GRIA4: variants seen among roughly 807,000 people sequenced by gnomAD.
GRIA4 encodes glutamate receptor 4.
In GRIA4, 34 loss-of-function variants were observed where a neutral mutation model predicts 104.0. The observed-to-expected ratio is 0.33, with a 90% CI of 0.25 to 0.44. The LOEUF (loss-of-function observed/expected upper bound fraction) is 0.44. Ranked by LOEUF, GRIA4 falls within the 20% of genes least tolerant of loss-of-function variation. The pLI is 1.00. For missense variants in GRIA4, 750 were observed against 1,096.5 expected (o/e 0.68, Z 4.46); for synonymous variants, 386 against 381.9 (o/e 1.01, Z -0.13).
intron 14 of GRIA4, among the ~76,000 whole-genome samples, chr11:105,955,834 A>G (rs1948573810): frequency 6.6e-6 from 1 of 152,136 alleles, no homozygotes; most frequent in Admixed American, 6.5e-5. Context: ...AGATGGTGGT[A>G]CCTCATTGTG....
At chr11:105,715,126 G>A (rs759963612) in intron 3 of GRIA4, among the ~76,000 whole-genome samples, 1 of 152,106 alleles carries the variant, frequency 6.6e-6, no homozygotes, top group Non-Finnish European at 1.5e-5. Flanking sequence ...GTGTAAATCA[G>A]CGTAGTCAAT....
At chr11:105,693,387 A>T (rs1677077087) in intron 3 of GRIA4, among the ~76,000 whole-genome samples, 1 of 152,190 alleles carries the variant, frequency 6.6e-6, no homozygotes, top group Admixed American at 6.5e-5. Flanking sequence ...CTAATTTTTT[A>T]AAAATCTCTA....
At chr11:105,751,002 G>T (rs1591191423) in intron 3 of GRIA4, among the ~76,000 whole-genome samples, 1 of 152,038 alleles carries the variant, frequency 6.6e-6, no homozygotes, top group Non-Finnish European at 1.5e-5. Context: ...TACTTTAAAA[G>T]ATTATGTAAA....
intron 14 of GRIA4, among the ~76,000 whole-genome samples, chr11:105,944,433 GT>G (rs1024467364): frequency 6.6e-6 from 1 of 151,938 alleles, no homozygotes; most frequent in Non-Finnish European, 1.5e-5. Flanking sequence ...TCTGGTATTT[GT>G]TTTTTTATGG....
At position 105,918,865 on chromosome 11, in the gene GRIA4, A is replaced by C. The variant is rs753529639; in HGVS notation, c.1423A>C (p.Arg475=). The change falls in exon 11 of 17, where the codon AGG becomes CGG. Residue 475 remains arginine, a synonymous_variant. Coordinates refer to ENST00000282499, the MANE Select transcript of GRIA4 (RefSeq NM_000829.4). ...TGTCCCTGATGGAAAATATGGAGCA[A>C]GGGATGCAGACACAAAAATCTGGAA... ...AIVPDGKYGA[R]DADTKIWNGM... 12 of 1,611,886 alleles carry C rather than the reference A, an allele frequency of 7.4e-6. No individual in the cohort carries two copies. The South Asian group carries it at 1.3e-4, about 18-fold the overall frequency.
At chr11:105,951,091 C>CTAA (rs1345137860) in intron 14 of GRIA4, among the ~76,000 whole-genome samples, 1 of 152,224 alleles carries the variant, frequency 6.6e-6, no homozygotes, top group South Asian at 2.1e-4. Context: ...TTCTGGGATT[C>CTAA]TAAGTCTTTA....
intron 4 of GRIA4, among the ~76,000 whole-genome samples, chr11:105,848,990 C>T (rs532632853): frequency 2.0e-5 from 3 of 152,110 alleles, no homozygotes; most frequent in East Asian, 1.9e-4. Context: ...GTCAGGAGTT[C>T]GAGACCACCC....
intron 4 of GRIA4, among the ~76,000 whole-genome samples, chr11:105,768,798 C>T (rs531981044): frequency 1.2e-4 from 19 of 152,054 alleles, no homozygotes; most frequent in Non-Finnish European, 2.5e-4. Flanking sequence ...AAACTATAGA[C>T]TTAGCAAAGA....
chr11:105,724,515 T>C (rs148217822), intron 3 of GRIA4, among the ~76,000 whole-genome samples: 103 of 152,130 alleles, frequency 6.8e-4, no homozygotes, highest in African/African-American at 2.3e-3. Context: ...GACCATTATC[T>C]GAACTCAAAC....
intron 4 of GRIA4, among the ~76,000 whole-genome samples, chr11:105,861,359 A>C (rs527928276): frequency 6.6e-6 from 1 of 152,226 alleles, no homozygotes; most frequent in South Asian, 2.1e-4. Flanking sequence ...ACTTTTTAAA[A>C]CTAAGTTTCT....
At chr11:105,924,847 T>C in intron 12 of GRIA4, 78 bp downstream of exon 12, 1 of 1,114,482 alleles carries the variant, frequency 9.0e-7, no homozygotes. Flanking sequence ...CTCTACATGT[T>C]CTTTTCCTGA....
chr11:105,922,058 G>C (rs1280885215), intron 11 of GRIA4, among the ~76,000 whole-genome samples: 1 of 151,962 alleles, frequency 6.6e-6, no homozygotes, highest in Non-Finnish European at 1.5e-5. Flanking sequence ...AACAATTGAT[G>C]ATTAGGGAAA....
intron 4 of GRIA4, among the ~76,000 whole-genome samples, chr11:105,769,612 G>A (rs1171664309): frequency 6.6e-6 from 1 of 151,954 alleles, no homozygotes; most frequent in East Asian, 1.9e-4. Flanking sequence ...TCTAGATGGG[G>A]GGCAGGGGGT....
intron 14 of GRIA4, among the ~76,000 whole-genome samples, chr11:105,970,846 A>G (rs551701916): frequency 6.6e-6 from 1 of 152,344 alleles, no homozygotes; most frequent in African/African-American, 2.4e-5. Flanking sequence ...TCTGCTTTCC[A>G]TTCATCATCT....
intron 14 of GRIA4, among the ~76,000 whole-genome samples, chr11:105,941,521 C>T (rs1948179959): frequency 1.3e-5 from 2 of 152,164 alleles, no homozygotes; most frequent in South Asian, 4.1e-4. Flanking sequence ...GTATTATATC[C>T]TGTTGAAGTA....
chr11:105,882,140 A>G (rs1465893382), intron 5 of GRIA4, among the ~76,000 whole-genome samples: 1 of 152,220 alleles, frequency 6.6e-6, no homozygotes, highest in Non-Finnish European at 1.5e-5. Context: ...GACTGCCCTC[A>G]TGACAATAAG....
intron 5 of GRIA4, among the ~76,000 whole-genome samples, chr11:105,874,744 T>C (rs1250581687): frequency 1.3e-5 from 2 of 152,216 alleles, no homozygotes; most frequent in African/African-American, 4.8e-5. Context: ...GAAATGCTTG[T>C]GATTTTTGCA....
intron 4 of GRIA4, among the ~76,000 whole-genome samples, chr11:105,827,082 G>A (rs1276133290): frequency 6.6e-6 from 1 of 151,878 alleles, no homozygotes; most frequent in Non-Finnish European, 1.5e-5. Context: ...CACTGTTCCA[G>A]GTGCATTGCC....
chr11:105,710,142 A>G (rs1953859664), intron 3 of GRIA4, among the ~76,000 whole-genome samples: 1 of 152,010 alleles, frequency 6.6e-6, no homozygotes, highest in African/African-American at 2.4e-5. Context: ...AATTATATCC[A>G]CAGAGAAACT....
Sources: allele counts gnomAD v4.1 joint callset (sites outside exome capture counted in the v4.1 genomes callset), GRCh38; gene constraint gnomAD v4.1.1; transcripts MANE v1.5; gene names NCBI Gene and HGNC (gene_info 2026-07-23, HGNC 2026-07-21).